Variants in TRIM36 observed in about 807,000 individuals in gnomAD.
The protein encoded by TRIM36 is tripartite motif containing 36.
TRIM36 carries 42 observed loss-of-function variants against 72.4 expected under a neutral mutation model. The observed-to-expected ratio is 0.58, with a 90% CI of 0.45 to 0.75. TRIM36 has a LOEUF of 0.75. TRIM36 is among the 30% of genes least tolerant of loss of function. The probability of loss-of-function intolerance (pLI) is 0.00; values close to 1 mark genes in which losing one functional copy is unlikely to be tolerated. For synonymous variants in TRIM36, 315 were observed against 282.8 expected, an observed-to-expected ratio of 1.11 and a Z score of -1.14; for missense variants, 913 against 857.1, an observed-to-expected ratio of 1.07 and a Z score of -0.81.
At chr5:115,179,406 C>T (rs1253968583) in intron 1 of TRIM36, among the ~76,000 whole-genome samples, 1 of 152,204 alleles carries the variant, frequency 6.6e-6, no homozygotes, top group Non-Finnish European at 1.5e-5. Flanking sequence ...TTAAATATTC[C>T]CGGCCTGGAG....
intron 5 of TRIM36, 140 bp downstream of exon 5, chr5:115,141,139 C>T (rs1198383566): frequency 1.0e-5 from 6 of 602,568 alleles, no homozygotes; most frequent in Non-Finnish European, 1.4e-5. Flanking sequence ...GTTTCCATAG[C>T]CCCAGAAAAG....
At position 115,130,493 on chromosome 5, in the gene TRIM36, A is replaced by C. The variant is rs573177889; in HGVS notation, c.1796+99T>G. 18 of 1,367,152 alleles carry C rather than the reference A, an allele frequency of 1.3e-5. 1 individual carries two copies. In the South Asian group the frequency reaches 2.5e-4, roughly 19 times the overall value. The allele number at this position is 1,367,152 out of a possible 1,614,324, so 84.7% of individuals were successfully genotyped here. A position where few individuals can be genotyped will look rare whatever the true frequency, so the allele number is the denominator to read the frequency against. ...GCCACAGCCAAAATACTAGAATCTAAGAAATAAGAAATGTATACTCCAAAT... is the reference window on the plus strand; with the variant it reads ...GCCACAGCCAAAATACTAGAATCTACGAAATAAGAAATGTATACTCCAAAT... On this transcript the variant is annotated intron_variant, in intron 9 of 9. Transcript: ENST00000513154.
chr5:115,161,728 TAAG>T (rs1447402495), intron 2 of TRIM36, among the ~76,000 whole-genome samples: 1 of 152,174 alleles, frequency 6.6e-6, no homozygotes, highest in African/African-American at 2.4e-5. Flanking sequence ...ACTTCTCCAA[TAAG>T]GAGTCGTAAA....
intron 1 of TRIM36, chr5:115,177,740 A>G: frequency 6.2e-7 from 1 of 1,614,096 alleles, no homozygotes; most frequent in Non-Finnish European, 8.5e-7. Flanking sequence ...AAACAGAGAG[A>G]GGAATTGTCC....
rs1002642941 is a variant in TRIM36, at chr5:115,124,994, A to G, written c.*1509T>C. The G allele has an allele frequency of 6.6e-6, 1 of 152,488 alleles. No individual in the cohort carries two copies. The highest frequency in any genetic ancestry group is 2.4e-5 in the African/African-American group (1 of 41,446). The allele number at this position is 152,488 out of a possible 1,614,324, so 9.4% of individuals were successfully genotyped here. On this transcript the variant is annotated 3_prime_UTR_variant, in exon 10 of 10. Coordinates refer to ENST00000513154, the MANE Select transcript of TRIM36 (RefSeq NM_001300759.2). ...ATTTGCTTAGTTTAGCCTACATCAT[A>G]AAGTGCTATTCATAGATGGGAAATT...
chr5:115,152,098 C>G (rs545417171), intron 2 of TRIM36, among the ~76,000 whole-genome samples: 35 of 151,990 alleles, frequency 2.3e-4, no homozygotes, highest in Non-Finnish European at 4.1e-4. Flanking sequence ...AGGCAAAGAC[C>G]GATGTAAGGC....
At position 115,126,329 on chromosome 5, in the gene TRIM36, GAAC is replaced by G. The variant is rs1163986636; in HGVS notation, c.*171_*173del. On this transcript the variant is annotated 3_prime_UTR_variant, in exon 10 of 10. Coordinates refer to ENST00000513154, the MANE Select transcript of TRIM36 (RefSeq NM_001300759.2). ...TCACTTTCATCATTTGTGAAAGGCA[GAAC>G]AACGACATGAAGACACAAGGCTGTT... 3.5e-6 allele frequency: 2 copies of G among 575,340 alleles called. No homozygotes were observed. Among genetic ancestry groups the G allele is most frequent in the Non-Finnish European group, 3.0e-6 (1 of 332,136 alleles). 35.6% of individuals were successfully genotyped at this position (575,340 alleles called of 1,614,324 possible).
At chr5:115,139,121 T>C (rs1179855511) in intron 5 of TRIM36, among the ~76,000 whole-genome samples, 5 of 146,744 alleles carry the variant, frequency 3.4e-5, no homozygotes, top group Non-Finnish European at 6.0e-5. Context: ...ACCCAGCTTT[T>C]TTTTTTTCTT....
chr5:115,163,348 T>G (rs1754586721), intron 2 of TRIM36, among the ~76,000 whole-genome samples, 170 bp downstream of exon 2: 1 of 152,222 alleles, frequency 6.6e-6, no homozygotes, highest in Non-Finnish European at 1.5e-5. Context: ...GAGAGTTCAT[T>G]TTGACATTTT....
intron 1 of TRIM36, among the ~76,000 whole-genome samples, chr5:115,178,259 C>G (rs902357060): frequency 2.0e-5 from 3 of 152,312 alleles, no homozygotes; most frequent in Admixed American, 1.3e-4. Context: ...ATTCACCTAT[C>G]GATCATCCTA....
At chr5:115,177,487 A>C in intron 1 of TRIM36, 1 of 1,242,604 alleles carries the variant, frequency 8.0e-7, no homozygotes, top group Non-Finnish European at 1.0e-6. Context: ...CCGAACTACA[A>C]AGTGGAACCG....
chr5:115,136,772 A>C (rs936006859), intron 7 of TRIM36, among the ~76,000 whole-genome samples: 1 of 152,242 alleles, frequency 6.6e-6, no homozygotes, highest in Non-Finnish European at 1.5e-5. Flanking sequence ...ATACAACATA[A>C]TGCTATTTAT....
intron 2 of TRIM36, among the ~76,000 whole-genome samples, chr5:115,160,476 A>G (rs1754425486): frequency 1.3e-5 from 2 of 152,194 alleles, no homozygotes; most frequent in Admixed American, 6.5e-5. Context: ...CAACCACTTA[A>G]TAGCCACATG....
At position 115,134,106 on chromosome 5, in the gene TRIM36, A is replaced by G. The variant is rs2112785436; in HGVS notation, c.1252T>C (p.Tyr418His). 6.2e-7 allele frequency: 1 copy of G among 1,612,370 alleles called. No individual in the cohort carries two copies. Among genetic ancestry groups the G allele is most frequent in the Non-Finnish European group, 8.5e-7 (1 of 1,179,364 alleles). ...TGCCAATTTATCAAGGCATTGTTAT[A>G]AACTTTGCTCTGTTCCTCATTGATC... ...PEINEEQSKV[Y>H]NNALINWHHP... Residue 418 changes from tyrosine to histidine, a missense_variant, in exon 8 of 10, where the codon TAT (tyrosine) becomes CAT (histidine). Transcript: ENST00000513154.
Position 115,147,979 on chromosome 5 carries a change from A to C in TRIM36, c.263-585T>G, listed in dbSNP as rs149254143. Among the ~76,000 whole-genome samples the C allele has an allele frequency of 9.2e-4, 140 of 152,360 alleles. 1 individual carries two copies. Among genetic ancestry groups the C allele is most frequent in the African/African-American group, 3.2e-3 (134 of 41,584 alleles). On this transcript the variant is annotated intron_variant, in intron 2 of 9. Transcript: ENST00000513154. ...TTTCAAAAGAATATGTGATGTGACC[A>C]CAAAATTTTTAACAACACTACAATA...
chr5:115,131,843 G>A (rs1427612028), intron 8 of TRIM36, among the ~76,000 whole-genome samples: 2 of 152,144 alleles, frequency 1.3e-5, no homozygotes, highest in African/African-American at 4.8e-5. Context: ...CATAGAGACA[G>A]AAATTAGAAT....
At chr5:115,136,151 C>A (rs1580648332) in intron 7 of TRIM36, among the ~76,000 whole-genome samples, 1 of 151,502 alleles carries the variant, frequency 6.6e-6, no homozygotes. Flanking sequence ...ATGTTGAAGT[C>A]CTAACCCCCA....
intron 2 of TRIM36, among the ~76,000 whole-genome samples, chr5:115,147,962 G>A (rs1753682298): frequency 1.3e-5 from 2 of 152,168 alleles, no homozygotes; most frequent in Admixed American, 6.5e-5. Context: ...ATTTTCAAAA[G>A]AATATGTGAT....
At chr5:115,147,044 C>G in intron 3 of TRIM36, 25 bp downstream of exon 3, 1 of 1,564,164 alleles carries the variant, frequency 6.4e-7, no homozygotes, top group Non-Finnish European at 8.7e-7. Flanking sequence ...AAATAACATT[C>G]TAACTTAATA....
Sources: gnomAD v4.1 joint callset for allele counts (sites outside exome capture counted in the v4.1 genomes callset) on GRCh38, gnomAD v4.1.1 for gene constraint, MANE v1.5 for transcripts, NCBI Gene and HGNC (gene_info 2026-07-23, HGNC 2026-07-21) for gene names.